The following FASTKD5 variants were observed in gnomAD, a reference collection of about 807,000 sequenced individuals.
FASTKD5 encodes the protein non-canonical pre-mRNAs endonuclease FASTKD5, mitochondrial.
A neutral mutation model predicts 44.0 loss-of-function variants in FASTKD5; 30 were observed. The ratio of observed to expected loss-of-function variants is 0.68; its 90% CI spans 0.51 to 0.93. The LOEUF is 0.93. Among genes scored for constraint, FASTKD5 ranks in the 40% least tolerant of loss-of-function variants. The probability of loss-of-function intolerance (pLI) is 0.00; values close to 1 mark genes in which losing one functional copy is unlikely to be tolerated. For missense variants in FASTKD5, 868 were observed against 908.2 expected (o/e 0.96, Z 0.57); for synonymous variants, 335 against 342.2 (o/e 0.98, Z 0.23).
chr20:3,149,467 C>T lies in FASTKD5; in HGVS notation c.-190-207G>A, dbSNP rs753593934. On this transcript the variant is annotated intron_variant, in intron 1 of 1. Transcript: ENST00000380266. The surrounding 1 kb of genome is among the most constrained non-coding windows in gnomAD (Gnocchi z 4.1). ...AGGAAAACCCCCAACCCAGGGTACC[C>T]GTGGGCAGTTCCTGGACTGCTGCTC... Among the ~76,000 whole-genome samples the T allele has an allele frequency of 9.2e-5, 14 of 152,128 alleles. No homozygotes were observed. Among genetic ancestry groups the T allele is most frequent in the Non-Finnish European group, 2.1e-4 (14 of 68,022 alleles).
At chr20:3,151,493 C>T (rs917583795) in intron 1 of FASTKD5, among the ~76,000 whole-genome samples, 12 of 152,150 alleles carry the variant, frequency 7.9e-5, no homozygotes, top group African/African-American at 2.9e-4. Flanking sequence ...ATGCAGATAG[C>T]CAGCTTTTTA....
intron 1 of FASTKD5, among the ~76,000 whole-genome samples, chr20:3,159,541 C>A (rs569774340): frequency 6.6e-6 from 1 of 152,232 alleles, no homozygotes; most frequent in Non-Finnish European, 1.5e-5. Context: ...TCAGATAAGC[C>A]CCCTGCCAAA....
intron 1 of FASTKD5, among the ~76,000 whole-genome samples, chr20:3,157,690 T>C (rs992445527): frequency 5.9e-5 from 9 of 152,166 alleles, no homozygotes; most frequent in Non-Finnish European, 1.3e-4. Flanking sequence ...AAATGGGGCT[T>C]CTAGAGGAAT....
In FASTKD5 at chr20:3,147,713, C is replaced by A. The variant is rs115386226; in HGVS notation, c.1358G>T (p.Ser453Ile). The change falls in exon 2 of 2, where the codon AGC (serine) becomes ATC (isoleucine). Residue 453 changes from serine (S) to isoleucine (I), a missense_variant. Transcript: ENST00000380266. ...CTTTCTGTGAATCTCACTTATCAGG[C>A]TGGAGTAAAATTCTTCTGCATTGGG... is the stretch of plus-strand genomic sequence containing the variant. The part of the protein sequence containing the change: ...KPPNAEEFYS[S>I]LISEIHRKMP... 77 of 1,614,216 alleles carry A rather than the reference C, an allele frequency of 4.8e-5. No homozygotes were observed. The African/African-American group carries it at 5.7e-4, about 12-fold the overall frequency.
In FASTKD5 at chr20:3,146,623, C is replaced by T. The variant is rs2066565594; in HGVS notation, c.*153G>A. ...CCAACTACATTACAATTCACAGTAA[C>T]ATACACTAGCTCTAACCTGCCTTGG... On this transcript the variant is annotated 3_prime_UTR_variant, in exon 2 of 2. Coordinates refer to ENST00000380266, the MANE Select transcript of FASTKD5 (RefSeq NM_021826.5). 1.2e-6 allele frequency: 1 copy of T among 801,300 alleles called. No homozygotes were observed. The highest frequency in any genetic ancestry group is 2.0e-6 in the Non-Finnish European group (1 of 495,370). The allele number at this position is 801,300 out of a possible 1,614,324, so 49.6% of individuals were successfully genotyped here. A position where few individuals can be genotyped will look rare whatever the true frequency, so the allele number is the denominator to read the frequency against.
chr20:3,154,871 T>C (rs2066667678), intron 1 of FASTKD5, among the ~76,000 whole-genome samples: 1 of 151,700 alleles, frequency 6.6e-6, no homozygotes, highest in Non-Finnish European at 1.5e-5. Flanking sequence ...ACAAGAGACC[T>C]AGAGCCTCAA....
At position 3,148,040 on chromosome 20, in the gene FASTKD5, G is replaced by C; in HGVS notation, c.1031C>G (p.Ala344Gly). Residue 344 changes from alanine to glycine, a missense_variant, in exon 2 of 2, where the codon GCT (alanine) becomes GGT (glycine). By Grantham distance (60) the Ala-to-Gly change is moderately conservative. Coordinates refer to ENST00000380266, the MANE Select transcript of FASTKD5 (RefSeq NM_021826.5). ...ACTCAGATGCTGAATGTTAGCACAA[G>C]CCAAGTCTCCAATTTTCCGCATGAC... The part of the protein sequence containing the change: ...EFVMRKIGDL[A>G]CANIQHLSSR... 6.2e-7 allele frequency: 1 copy of C among 1,614,148 alleles called. No homozygotes were observed. Among genetic ancestry groups the C allele is most frequent in the Non-Finnish European group, 8.5e-7 (1 of 1,180,032 alleles).
intron 1 of FASTKD5, among the ~76,000 whole-genome samples, chr20:3,156,380 T>C (rs1042926759): frequency 1.3e-5 from 2 of 152,046 alleles, no homozygotes; most frequent in Non-Finnish European, 2.9e-5. Context: ...GGTTTTGCCA[T>C]GTTGGTCAGG....
At chr20:3,152,001 G>C (rs1254236559) in intron 1 of FASTKD5, 2 of 151,262 alleles carry the variant, frequency 1.3e-5, no homozygotes, top group Admixed American at 1.3e-4. Flanking sequence ...GCCACTCGGG[G>C]GGCTGGGGCA....
intron 1 of FASTKD5, among the ~76,000 whole-genome samples, chr20:3,155,711 G>C (rs897723999): frequency 6.6e-6 from 1 of 152,194 alleles, no homozygotes; most frequent in Non-Finnish European, 1.5e-5. Flanking sequence ...TAGCTTAATA[G>C]ATAAGGAAAA....
intron 1 of FASTKD5, among the ~76,000 whole-genome samples, chr20:3,156,439 A>G (rs1328299985): frequency 6.6e-6 from 1 of 152,110 alleles, no homozygotes; most frequent in African/African-American, 2.4e-5. Flanking sequence ...TTGGCCTCCC[A>G]AAGTACTGAG....
intron 1 of FASTKD5, chr20:3,150,511 T>A (rs550156596): frequency 6.6e-6 from 1 of 152,372 alleles, no homozygotes; most frequent in South Asian, 2.1e-4. Flanking sequence ...CTTTCCTTAA[T>A]GCTTATTCTT....
Position 3,147,531 on chromosome 20 carries a change from G to C in FASTKD5, c.1540C>G (p.Leu514Val). The change falls in exon 2 of 2, where the codon CTA (leucine) becomes GTA (valine). Residue 514 changes from leucine to valine, a missense_variant. Physicochemically the swap from Leu to Val is conservative, Grantham distance 32. Transcript: ENST00000380266. ...CCAACTGTACCATCGAGGGTATATA[G>C]TTCCTTAAGGAGGTCAAACTTAGTT... ...ERTKFDLLKE[L>V]YTLDGTVGIE... The C allele has an allele frequency of 6.2e-7, 1 of 1,614,172 alleles. No individual in the cohort carries two copies. The highest frequency in any genetic ancestry group is 1.1e-5 in the South Asian group (1 of 91,080).
At chr20:3,153,015 G>A (rs2066647883) in intron 1 of FASTKD5, among the ~76,000 whole-genome samples, 1 of 152,256 alleles carries the variant, frequency 6.6e-6, no homozygotes, top group East Asian at 1.9e-4. Flanking sequence ...CTAGAAGGAG[G>A]CTGGTTTACA....
At chr20:3,150,343 C>T (rs1044106639) in intron 1 of FASTKD5, among the ~76,000 whole-genome samples, 3 of 152,222 alleles carry the variant, frequency 2.0e-5, no homozygotes, top group African/African-American at 7.2e-5. Flanking sequence ...GTTCAGGGAA[C>T]GCCAATTGAC....
intron 1 of FASTKD5, among the ~76,000 whole-genome samples, chr20:3,152,937 A>G (rs1217794266): frequency 1.3e-5 from 2 of 152,024 alleles, no homozygotes; most frequent in Non-Finnish European, 2.9e-5. Flanking sequence ...AAAAAAATAG[A>G]TTTAAAGGTC....
At position 3,148,296 on chromosome 20, in the gene FASTKD5, G is replaced by T. The variant is rs1321704398; in HGVS notation, c.775C>A (p.Pro259Thr). 1.2e-6 allele frequency: 2 copies of T among 1,613,070 alleles called. No homozygotes were observed. The highest frequency in any genetic ancestry group is 2.2e-5 in the East Asian group (1 of 44,886). Residue 259 changes from proline to threonine, a missense_variant, in exon 2 of 2, where the codon CCT becomes ACT. Coordinates refer to ENST00000380266, the MANE Select transcript of FASTKD5 (RefSeq NM_021826.5). ...DLWRYLGRKVPRFLNIFSSYL... is the reference protein window; with the variant it reads ...DLWRYLGRKVTRFLNIFSSYL... ...CTAGAAAAAATGTTTAAAAACCTAGGTACTTTGCGGCCTAAGTACCTCCAG... is the reference window on the plus strand; with the variant it reads ...CTAGAAAAAATGTTTAAAAACCTAGTTACTTTGCGGCCTAAGTACCTCCAG...
At chr20:3,150,349 T>C (rs939724250) in intron 1 of FASTKD5, among the ~76,000 whole-genome samples, 2 of 152,150 alleles carry the variant, frequency 1.3e-5, no homozygotes, top group Admixed American at 1.3e-4. Flanking sequence ...GGAACGCCAA[T>C]TGACGCAACT....
intron 1 of FASTKD5, among the ~76,000 whole-genome samples, chr20:3,156,024 G>C (rs2122131261): frequency 6.6e-6 from 1 of 152,314 alleles, no homozygotes; most frequent in South Asian, 2.1e-4. Flanking sequence ...AGGGAGAAAA[G>C]ACACTGCAAA....
Sources: gnomAD v4.1 joint callset for allele counts (sites outside exome capture counted in the v4.1 genomes callset) on GRCh38, gnomAD v4.1.1 for gene constraint, Gnocchi (gnomAD v3.1) non-coding constraint, MANE v1.5 for transcripts, NCBI Gene and HGNC (gene_info 2026-07-23, HGNC 2026-07-21) for gene names.